NQO2: variants seen among roughly 807,000 people sequenced by gnomAD.
NQO2 encodes the protein ribosyldihydronicotinamide dehydrogenase [quinone].
In NQO2, 18 loss-of-function variants were observed where a neutral mutation model predicts 22.0. The ratio of observed to expected loss-of-function variants is 0.82; its 90% confidence interval spans 0.56 to 1.21. The LOEUF is 1.21. Ranked by LOEUF, NQO2 falls within the 50% of genes most tolerant of loss-of-function variation. The probability of loss-of-function intolerance (pLI) is 0.00; values close to 1 mark genes in which losing one functional copy is unlikely to be tolerated. For synonymous variants in NQO2, 106 were observed against 110.8 expected, an observed-to-expected ratio of 0.96 and a Z score of 0.28; for missense variants, 267 against 286.9, an observed-to-expected ratio of 0.93 and a Z score of 0.50.
intron 3 of NQO2, among the ~76,000 whole-genome samples, chr6:3,011,982 A>G (rs1163346530): frequency 1.3e-5 from 2 of 152,266 alleles, no homozygotes; most frequent in Non-Finnish European, 2.9e-5. Context: ...ACATTTGAAG[A>G]TGTAAAACCC....
At chr6:3,003,170 C>T (rs895238830) in intron 1 of NQO2, among the ~76,000 whole-genome samples, 7 of 152,234 alleles carry the variant, frequency 4.6e-5, no homozygotes, top group Non-Finnish European at 1.0e-4. Flanking sequence ...TCACTCTCCT[C>T]TCTTTTTCCT....
chr6:3,015,631 C>T lies in NQO2; in HGVS notation c.405C>T (p.Ser135=), dbSNP rs4149367. The T allele has an allele frequency of 0.09, 145,000 of 1,613,754 alleles. 9,468 individuals are homozygous for T. The highest frequency in any genetic ancestry group is 0.32 in the African/African-American group (23,961 of 74,942). Residue 135 remains serine, a synonymous_variant, in exon 5 of 7, where the codon TCC becomes TCT. Transcript: ENST00000380455. ...FAFDIPGFYD[S]GLLQGKLALL... is the part of the protein sequence containing the mutation. The stretch of plus-strand genomic sequence containing the variant: ...TTGACATCCCAGGATTCTACGATTC[C>T]GGTTTGCTCCAGGTATGTGCTCTTG...
chr6:3,015,752 C>T lies in NQO2; in HGVS notation c.417+109C>T, dbSNP rs114719769. On this transcript the variant is annotated intron_variant, in intron 5 of 6. Transcript: ENST00000380455. Reference sequence around the variant, plus strand: ...TTTCCTTCCTTTTCTTAGCAAATATCGATTGAGCACCCACTATGTACAAAG... The same window carrying T: ...TTTCCTTCCTTTTCTTAGCAAATATTGATTGAGCACCCACTATGTACAAAG... 949 of 1,018,674 alleles carry T rather than the reference C, an allele frequency of 9.3e-4. 7 individuals carry two copies. The African/African-American group carries it at 0.012, about 13-fold the overall frequency. The allele number at this position is 1,018,674 out of a possible 1,614,324, so 63.1% of individuals were successfully genotyped here.
rs1221951808 is a variant in NQO2 at position 3,012,530 on chromosome 6, C to G, written c.173-14C>G. 1.2e-6 allele frequency: 2 copies of G among 1,613,864 alleles called. No individual in the cohort carries two copies. The highest frequency in any genetic ancestry group is 1.7e-6 in the Non-Finnish European group (2 of 1,179,880). ...CCACCTAGGAGTGAGAATGTTTGGCCTCTTCCCCGACAGGTACTCTTTCTA... is the reference window on the plus strand; with the variant it reads ...CCACCTAGGAGTGAGAATGTTTGGCGTCTTCCCCGACAGGTACTCTTTCTA... On this transcript the variant is annotated splice_polypyrimidine_tract_variant and intron_variant, in intron 3 of 6. Coordinates refer to ENST00000380455, the MANE Select transcript of NQO2 (RefSeq NM_000904.6).
chr6:3,009,085 T>G (rs999863005), intron 2 of NQO2, among the ~76,000 whole-genome samples: 5 of 152,164 alleles, frequency 3.3e-5, no homozygotes, highest in Admixed American at 6.5e-5. Context: ...GGAATTTCCT[T>G]GTCTTAATAA....
At chr6:3,015,943 C>T (rs893354706) in intron 5 of NQO2, among the ~76,000 whole-genome samples, 4 of 152,232 alleles carry the variant, frequency 2.6e-5, no homozygotes, top group South Asian at 2.1e-4. Flanking sequence ...GTGGGCAACC[C>T]GGTGGCCAGC....
rs146678417 is a variant in NQO2, at chr6:3,015,538, G to C, written c.312G>C (p.Leu104=). The change falls in exon 5 of 7, where the codon CTG becomes CTC. Residue 104 remains leucine, a synonymous_variant. Coordinates refer to ENST00000380455, the MANE Select transcript of NQO2 (RefSeq NM_000904.6). ...EADLVIFQFP[L]YWFSVPAILK... is the part of the protein sequence containing the mutation. Reference sequence around the variant, plus strand: ...GGTGTTGCCGCCCACAGTTCCCGCTGTACTGGTTCAGCGTGCCAGCCATCC... The same window carrying C: ...GGTGTTGCCGCCCACAGTTCCCGCTCTACTGGTTCAGCGTGCCAGCCATCC... The C allele has an allele frequency of 4.8e-4, 778 of 1,614,064 alleles. 1 individual carries two copies. In the African/African-American group the frequency reaches 5.7e-3, roughly 12 times the overall value.
chr6:3,016,935 A>C lies in NQO2; in HGVS notation c.469A>C (p.Thr157Pro), dbSNP rs770612499. The C allele has an allele frequency of 3.1e-6, 5 of 1,614,018 alleles. No homozygotes were observed. The East Asian group carries it at 1.1e-4, about 36-fold the overall frequency. Residue 157 changes from threonine (T) to proline (P), a missense_variant, in exon 6 of 7, where the codon ACG (threonine) becomes CCG (proline). By Grantham distance (38) the Thr-to-Pro change is conservative (BLOSUM62 -1). Transcript: ENST00000380455. ...VTTGGTAEMY[T>P]KTGVNGDSRY... ...CACGGGAGGCACGGCCGAGATGTAC[A>C]CGAAGACAGGAGTCAATGGAGATTC...
At chr6:3,004,584 G>A in intron 1 of NQO2, 1 of 985,328 alleles carries the variant, frequency 1.0e-6, no homozygotes, top group Non-Finnish European at 1.2e-6. Flanking sequence ...TGTGCTCCTG[G>A]ACAGCTGGAG....
rs1265222659 is a variant in NQO2, at chr6:3,019,488, T to G, written c.529T>G (p.Leu177Val). 1.2e-6 allele frequency: 2 copies of G among 1,613,618 alleles called. No homozygotes were observed. Among genetic ancestry groups the G allele is most frequent in the East Asian group, 4.5e-5 (2 of 44,892 alleles). The part of the protein sequence containing the change: ...YFLWPLQHGT[L>V]HFCGFKVLAP... The stretch of plus-strand genomic sequence containing the variant: ...TCCCCTGTGGCTTTAGCATGGCACA[T>G]TACACTTCTGTGGATTTAAAGTCCT... The change falls in exon 7 of 7, where the codon TTA becomes GTA. Residue 177 changes from leucine (L) to valine (V), a missense_variant. Physicochemically the swap from Leu to Val is conservative, Grantham distance 32. Coordinates refer to ENST00000380455, the MANE Select transcript of NQO2 (RefSeq NM_000904.6).
Position 3,006,805 on chromosome 6 carries a change from A to C in NQO2, c.7+246A>C. ...CTCACTTGTTTCATTGTTCCTTTCG[A>C]CTCCCTCCAGAATTTAGGTTCCTCA... On this transcript the variant is annotated intron_variant, in intron 2 of 6. Transcript: ENST00000380455. This position sits in a 1 kb window ranked among gnomAD's most constrained non-coding sequence, Gnocchi z 4.0. 2 of 447,214 alleles carry C rather than the reference A, an allele frequency of 4.5e-6. No homozygotes were observed. Among genetic ancestry groups the C allele is most frequent in the South Asian group, 5.5e-5 (1 of 18,152 alleles). 27.7% of individuals were successfully genotyped at this position (447,214 alleles called of 1,614,324 possible). A position where few individuals can be genotyped will look rare whatever the true frequency, so the allele number is the denominator to read the frequency against.
At position 3,006,782 on chromosome 6, in the gene NQO2, C is replaced by T; in HGVS notation, c.7+223C>T. On this transcript the variant is annotated intron_variant, in intron 2 of 6. Transcript: ENST00000380455. This position sits in a 1 kb window ranked among gnomAD's most constrained non-coding sequence, Gnocchi z 4.0. ...GGAATTATCTTGTTTTCTATGTTCTCACTTGTTTCATTGTTCCTTTCGACT... is the reference window on the plus strand; with the variant it reads ...GGAATTATCTTGTTTTCTATGTTCTTACTTGTTTCATTGTTCCTTTCGACT... 2 of 492,782 alleles carry T rather than the reference C, an allele frequency of 4.1e-6. No homozygotes were observed. Among genetic ancestry groups the T allele is most frequent in the Non-Finnish European group, 3.5e-6 (1 of 283,822 alleles). The allele number at this position is 492,782 out of a possible 1,614,324, so 30.5% of individuals were successfully genotyped here. A position where few individuals can be genotyped will look rare whatever the true frequency, so the allele number is the denominator to read the frequency against.
chr6:3,010,462 AC>A (rs980939651), intron 3 of NQO2, among the ~76,000 whole-genome samples: 1 of 151,694 alleles, frequency 6.6e-6, no homozygotes, highest in African/African-American at 2.4e-5. Context: ...CCCACAAACT[AC>A]CCAGCACCAG....
Position 3,019,554 on chromosome 6 carries a change from GAAGA to G in NQO2, c.603_606del (p.Lys202GlyfsTer56), listed in dbSNP as rs765299376. 2.2e-4 allele frequency: 350 copies of G among 1,614,050 alleles called. No homozygotes were observed. Among genetic ancestry groups the G allele is most frequent in the Non-Finnish European group, 2.7e-4 (321 of 1,180,040 alleles). On this transcript the variant is annotated frameshift_variant, in exon 7 of 7. Coordinates refer to ENST00000380455, the MANE Select transcript of NQO2 (RefSeq NM_000904.6). LOFTEE classifies it low-confidence loss of function (END_TRUNC). Reference sequence around the variant, plus strand: ...CTTTGCTCCTGAAATTGCATCCGAAGAAGAAAGAAAGGGGATGGTGGCTGCGTGG... The same window carrying G: ...CTTTGCTCCTGAAATTGCATCCGAAGAAGAAAGGGGATGGTGGCTGCGTGG...
At chr6:3,011,907 C>T (rs906684582) in intron 3 of NQO2, among the ~76,000 whole-genome samples, 8 of 152,092 alleles carry the variant, frequency 5.3e-5, no homozygotes, top group Middle Eastern at 3.2e-3. Flanking sequence ...ACCACCAGAC[C>T]CACCTTACAA....
chr6:3,012,938 T>TAACACTAC (rs1292877114), intron 4 of NQO2, among the ~76,000 whole-genome samples: 3 of 139,970 alleles, frequency 2.1e-5, no homozygotes, highest in African/African-American at 8.0e-5. Flanking sequence ...TACGTAGATG[T>TAACACTAC]AACACTACTT....
intron 4 of NQO2, among the ~76,000 whole-genome samples, chr6:3,012,969 T>TTTTTTTTTTTTTTTTTG (rs1757194805): frequency 8.4e-6 from 1 of 119,110 alleles, no homozygotes; most frequent in African/African-American, 3.3e-5. Flanking sequence ...TTTTTTTTTT[T>TTTTTTTTTTTTTTTTTG]TTTTGAGACG....
In NQO2 at chr6:3,005,834, A is replaced by G. The variant is rs1048474815; in HGVS notation, c.-85-634A>G. The G allele has an allele frequency of 7.1e-6, 7 of 984,196 alleles. No individual in the cohort carries two copies. The African/African-American group carries it at 1.2e-4, about 17-fold the overall frequency. 61.0% of individuals were successfully genotyped at this position (984,196 alleles called of 1,614,324 possible). ...CCATGCTGTGACTTTGTTGATGAGG[A>G]GGTTGAGGCACAGAGGGGTGGAGGG... On this transcript the variant is annotated intron_variant, in intron 1 of 6. Transcript: ENST00000380455.
At chr6:3,015,221 T>G in intron 4 of NQO2, 1 of 1,379,776 alleles carries the variant, frequency 7.2e-7, no homozygotes. Flanking sequence ...GATCACAGAC[T>G]GCTGCTCCAA....
Sources: gnomAD v4.1 joint callset for allele counts (sites outside exome capture counted in the v4.1 genomes callset) on GRCh38, gnomAD v4.1.1 for gene constraint, Gnocchi (gnomAD v3.1) non-coding constraint, MANE v1.5 for transcripts, NCBI Gene and HGNC (gene_info 2026-07-23, HGNC 2026-07-21) for gene names.